The following GPC5 variants were observed in gnomAD, a reference collection of about 807,000 sequenced individuals.
GPC5 encodes glypican 5.
Under a neutral mutation model 53.9 loss-of-function variants are expected in GPC5, and 47 were observed. The ratio of observed to expected loss-of-function variants is 0.87; its 90% CI spans 0.69 to 1.11. The LOEUF is 1.11. Ranked by LOEUF, GPC5 falls within the 50% of genes most tolerant of loss-of-function variation. GPC5 has a pLI of 0.00. For synonymous variants in GPC5, 286 were observed against 263.3 expected, an observed-to-expected ratio of 1.09 and a Z score of -0.84; for missense variants, 748 against 713.1, an observed-to-expected ratio of 1.05 and a Z score of -0.56.
chr13:92,484,375 T>C (rs1043258966), intron 7 of GPC5, among the ~76,000 whole-genome samples: 23 of 152,198 alleles, frequency 1.5e-4, no homozygotes, highest in African/African-American at 4.3e-4. Context: ...AAAATAACTA[T>C]AAAAAGTAGA....
chr13:92,725,655 G>T (rs978980589), intron 7 of GPC5, among the ~76,000 whole-genome samples: 1 of 151,398 alleles, frequency 6.6e-6, no homozygotes, highest in East Asian at 1.9e-4. Flanking sequence ...ACAAAAAAAT[G>T]AAAATAAAAA....
intron 3 of GPC5, among the ~76,000 whole-genome samples, chr13:91,695,664 T>A (rs939120901): frequency 6.6e-6 from 1 of 152,138 alleles, no homozygotes; most frequent in Non-Finnish European, 1.5e-5. Context: ...CATGAGCCAC[T>A]GAGCCGGACC....
chr13:92,311,929 G>C (rs969843346), intron 7 of GPC5, among the ~76,000 whole-genome samples: 12 of 152,256 alleles, frequency 7.9e-5, no homozygotes, highest in Non-Finnish European at 4.4e-5. Flanking sequence ...CTGAATAAAA[G>C]CATGTGTGAA....
At chr13:92,369,206 C>T (rs111548525) in intron 7 of GPC5, among the ~76,000 whole-genome samples, 96 of 152,278 alleles carry the variant, frequency 6.3e-4, no homozygotes, top group African/African-American at 5.3e-4. Flanking sequence ...GTTTTTGAGA[C>T]GGAGTCTTTC....
chr13:91,521,958 T>C (rs1885839312), intron 2 of GPC5, among the ~76,000 whole-genome samples: 1 of 152,236 alleles, frequency 6.6e-6, no homozygotes, highest in Admixed American at 6.5e-5. Flanking sequence ...TAGGGAAATA[T>C]GTCTGTCTAC....
intron 7 of GPC5, among the ~76,000 whole-genome samples, chr13:92,418,827 T>C (rs1030522417): frequency 6.6e-6 from 1 of 152,160 alleles, no homozygotes; most frequent in African/African-American, 2.4e-5. Context: ...CAGAAATATT[T>C]TGAGAAACAG....
rs531021025 is a variant in GPC5 at position 91,504,963 on chromosome 13, A to G, written c.325+56041A>G. ...GGGAGACTGTCTCTGTAAAACAAAC[A>G]AACAAGCAAACAACCAAACAGAAAA... is the stretch of plus-strand genomic sequence containing the variant. On this transcript the variant is annotated intron_variant, in intron 2 of 7. Transcript: ENST00000377067. 3.5e-3 allele frequency among the ~76,000 whole-genome samples: 526 copies of G among 152,316 alleles called. 4 individuals are homozygous for G. Among genetic ancestry groups the G allele is most frequent in the African/African-American group, 0.011 (470 of 41,572 alleles).
rs73626739 is a variant in GPC5, at chr13:91,898,498, T to C, written c.1281-9439T>C. On this transcript the variant is annotated intron_variant, in intron 5 of 7. Transcript: ENST00000377067. ...ATTCTGTCATTTTGCCCTTGTTTTA[T>C]AGTGCTTGTGCCTTTTATTCTAAGC... Among the ~76,000 whole-genome samples the C allele has an allele frequency of 4.3e-3, 651 of 152,322 alleles. 5 individuals are homozygous for C. The highest frequency in any genetic ancestry group is 0.014 in the African/African-American group (592 of 41,574).
intron 5 of GPC5, among the ~76,000 whole-genome samples, chr13:91,799,092 T>G (rs2038093770): frequency 6.6e-6 from 1 of 152,174 alleles, no homozygotes; most frequent in Non-Finnish European, 1.5e-5. Context: ...TAGGTGTTCA[T>G]CAACAGTGGA....
At chr13:92,509,457 T>G (rs1365277434) in intron 7 of GPC5, 2 of 152,174 alleles carry the variant, frequency 1.3e-5, no homozygotes, top group Non-Finnish European at 1.5e-5. Context: ...TGATAGCACA[T>G]CTCCTCTTAT....
intron 1 of GPC5, among the ~76,000 whole-genome samples, chr13:91,427,798 T>G (rs1566385885): frequency 6.6e-6 from 1 of 152,126 alleles, no homozygotes. Context: ...CCCCAGGTGT[T>G]GATGGAGAGA....
Position 92,859,557 on chromosome 13 carries a change from A to T in GPC5, c.1562-6725A>T, listed in dbSNP as rs720515. On this transcript the variant is annotated intron_variant, in intron 7 of 7. Transcript: ENST00000377067. ...AGTATTTTTCAGCCTTATACTTTTTAAAAATAATTTTCTGAATCATTAGTA... is the reference window on the plus strand; with the variant it reads ...AGTATTTTTCAGCCTTATACTTTTTTAAAATAATTTTCTGAATCATTAGTA... Among the ~76,000 whole-genome samples the T allele has an allele frequency of 8.3e-3, 1,265 of 152,158 alleles. 68 individuals carry two copies. Among genetic ancestry groups the T allele is most frequent in the Admixed American group, 0.079 (1,197 of 15,246 alleles).
At chr13:92,693,225 A>C (rs933542466) in intron 7 of GPC5, among the ~76,000 whole-genome samples, 11 of 152,122 alleles carry the variant, frequency 7.2e-5, no homozygotes. Flanking sequence ...GAAATGGACT[A>C]ATATAGGAAA....
At chr13:92,726,896 A>C (rs1421162794) in intron 7 of GPC5, among the ~76,000 whole-genome samples, 1 of 151,538 alleles carries the variant, frequency 6.6e-6, no homozygotes, top group Non-Finnish European at 1.5e-5. Context: ...TTATGGAGAA[A>C]AGAGGGATAA....
intron 5 of GPC5, among the ~76,000 whole-genome samples, chr13:91,800,243 A>G (rs1345531532): frequency 6.6e-6 from 1 of 152,168 alleles, no homozygotes; most frequent in South Asian, 2.1e-4. Flanking sequence ...ATAGAAAAAT[A>G]AAGACACAAT....
intron 7 of GPC5, among the ~76,000 whole-genome samples, chr13:92,545,026 G>A (rs1248176905): frequency 1.3e-5 from 2 of 151,720 alleles, no homozygotes; most frequent in South Asian, 2.1e-4. Context: ...CCATTAACTC[G>A]TCATTTAGCA....
At chr13:92,741,399 TC>T (rs1323854944) in intron 7 of GPC5, among the ~76,000 whole-genome samples, 1 of 151,702 alleles carries the variant, frequency 6.6e-6, no homozygotes, top group Non-Finnish European at 1.5e-5. Flanking sequence ...CTGCAGAGAG[TC>T]CCCATGAACA....
At chr13:91,796,361 A>G (rs1414831969) in intron 5 of GPC5, among the ~76,000 whole-genome samples, 2 of 152,294 alleles carry the variant, frequency 1.3e-5, no homozygotes, top group South Asian at 2.1e-4. Context: ...CGGGTCTGCA[A>G]TGACAGCAAT....
intron 7 of GPC5, among the ~76,000 whole-genome samples, chr13:92,323,958 T>C (rs1190465004): frequency 2.0e-5 from 3 of 151,960 alleles, no homozygotes. Context: ...TTTTTAACAG[T>C]GTTCTTTTGC....
Sources: allele counts gnomAD v4.1 joint callset (sites outside exome capture counted in the v4.1 genomes callset), GRCh38; gene constraint gnomAD v4.1.1; transcripts MANE v1.5; gene names NCBI Gene and HGNC (gene_info 2026-07-23, HGNC 2026-07-21).